TBC1D4: variants seen among roughly 807,000 people sequenced by gnomAD.
The protein encoded by TBC1D4 is TBC (Tre-2, BUB2, CDC16) domain-containing protein.
A neutral mutation model predicts 142.5 loss-of-function variants in TBC1D4; 121 were observed. That is an observed-to-expected ratio of 0.85 (90% CI 0.73 to 0.99). The LOEUF (loss-of-function observed/expected upper bound fraction) is 0.99. Ranked by LOEUF, TBC1D4 falls within the 50% of genes least tolerant of loss-of-function variation. The probability of loss-of-function intolerance (pLI) is 0.00; values close to 1 mark genes in which losing one functional copy is unlikely to be tolerated. For synonymous variants in TBC1D4, 630 were observed against 628.2 expected, an observed-to-expected ratio of 1.00 and a Z score of -0.04; for missense variants, 1,475 against 1,606.6, an observed-to-expected ratio of 0.92 and a Z score of 1.40.
intron 1 of TBC1D4, among the ~76,000 whole-genome samples, chr13:75,388,320 G>A (rs1228480175): frequency 6.6e-6 from 1 of 152,098 alleles, no homozygotes. Flanking sequence ...TATTTAAGGG[G>A]CCATAGTTCT....
chr13:75,362,614 G>GA lies in TBC1D4; in HGVS notation c.499-8dup. On this transcript the variant is annotated splice_region_variant and splice_polypyrimidine_tract_variant and intron_variant, in intron 1 of 20. Coordinates refer to ENST00000377636, the MANE Select transcript of TBC1D4 (RefSeq NM_014832.5). The surrounding 1 kb of genome is among the most constrained non-coding windows in gnomAD (Gnocchi z 4.2). The stretch of plus-strand genomic sequence containing the variant: ...TGCTAATAACATCAGGAACCTGGGG[G>GA]AAAAAATTAAAACCCTGATTCTAGT... 6.2e-7 allele frequency: 1 copy of GA among 1,613,340 alleles called. No homozygotes were observed.
chr13:75,374,873 C>T (rs1487192364), intron 1 of TBC1D4, among the ~76,000 whole-genome samples: 1 of 152,110 alleles, frequency 6.6e-6, no homozygotes, highest in East Asian at 1.9e-4. Flanking sequence ...TTTGTCAAAA[C>T]AGCACCCACT....
chr13:75,296,241 T>A (rs1004263007), intron 17 of TBC1D4, among the ~76,000 whole-genome samples: 1 of 151,778 alleles, frequency 6.6e-6, no homozygotes, highest in Non-Finnish European at 1.5e-5. Flanking sequence ...CAAAAAATCA[T>A]GTTGAAAAAA....
chr13:75,420,475 C>T (rs745544847), intron 1 of TBC1D4, among the ~76,000 whole-genome samples: 3 of 152,188 alleles, frequency 2.0e-5, no homozygotes, highest in Non-Finnish European at 2.9e-5. Flanking sequence ...AACAAATCTA[C>T]GTGTATAAAC....
intron 1 of TBC1D4, among the ~76,000 whole-genome samples, chr13:75,452,860 G>A (rs535386412): frequency 2.6e-5 from 4 of 152,140 alleles, no homozygotes; most frequent in African/African-American, 7.2e-5. Context: ...TAAAGTGTCT[G>A]TTTCCAGCTT....
At position 75,292,054 on chromosome 13, in the gene TBC1D4, T is replaced by C. The variant is rs182315021; in HGVS notation, c.3486+48A>G. On this transcript the variant is annotated intron_variant, in intron 19 of 20. Transcript: ENST00000377636. ...TTTAGGCTAAAGCATTTAATATATA[T>C]TCAGTAGAGAAAACTGCTATATAAT... The C allele has an allele frequency of 3.1e-4, 463 of 1,480,332 alleles. 4 individuals carry two copies. The East Asian group carries it at 7.1e-3, about 23-fold the overall frequency. 91.7% of individuals were successfully genotyped at this position (1,480,332 alleles called of 1,614,324 possible).
chr13:75,366,183 T>C (rs9318338), intron 1 of TBC1D4, among the ~76,000 whole-genome samples: 28,666 of 152,180 alleles, frequency 0.19, 3,225 homozygotes, highest in East Asian at 0.34. Flanking sequence ...TTCTACTCAG[T>C]GGCAGCATTT....
At chr13:75,410,939 A>C (rs1885628139) in intron 1 of TBC1D4, among the ~76,000 whole-genome samples, 1 of 17,748 alleles carries the variant, frequency 5.6e-5, no homozygotes, top group Non-Finnish European at 4.3e-4. Context: ...CCGTCTCAAA[A>C]AAAAAAAAAA....
At chr13:75,417,365 G>A (rs1335982800) in intron 1 of TBC1D4, among the ~76,000 whole-genome samples, 1 of 152,174 alleles carries the variant, frequency 6.6e-6, no homozygotes, top group Non-Finnish European at 1.5e-5. Context: ...CCGGGTAAGT[G>A]CTACCTGGGA....
Position 75,481,678 on chromosome 13 carries a change from C to G in TBC1D4, c.90G>C (p.Lys30Asn), listed in dbSNP as rs777268414. 10 of 1,600,944 alleles carry G rather than the reference C, an allele frequency of 6.2e-6. No individual in the cohort carries two copies. The highest frequency in any genetic ancestry group is 1.7e-4 in the Middle Eastern group (1 of 6,026). The change falls in exon 1 of 21, where the codon AAG becomes AAC. Residue 30 changes from lysine to asparagine, a missense_variant. By Grantham distance (94) the Lys-to-Asn change is moderately conservative. This residue lies in a region of TBC1D4 where 1,227 missense variants were observed against 1,267.7 expected (regional missense o/e 0.97). Coordinates refer to ENST00000377636, the MANE Select transcript of TBC1D4 (RefSeq NM_014832.5). Reference sequence around the variant, plus strand: ...ACAGCCGGAACCGCTTATCGCTTGGCTTCCCGGGGCCGGGCTGAGCTGAGA... The same window carrying G: ...ACAGCCGGAACCGCTTATCGCTTGGGTTCCCGGGGCCGGGCTGAGCTGAGA... ...PGVSAQPGPGKPSDKRFRLWY... is the reference protein window; with the variant it reads ...PGVSAQPGPGNPSDKRFRLWY...
chr13:75,362,455 G>A lies in TBC1D4; in HGVS notation c.651C>T (p.Ala217=), dbSNP rs1882613684. The A allele has an allele frequency of 2.5e-6, 4 of 1,614,216 alleles. No individual in the cohort carries two copies. Among genetic ancestry groups the A allele is most frequent in the Non-Finnish European group, 3.4e-6 (4 of 1,180,040 alleles). The change falls in exon 2 of 21, where the codon GCC becomes GCT. Residue 217 remains alanine, a synonymous_variant. Transcript: ENST00000377636. This position sits in a 1 kb window ranked among gnomAD's most constrained non-coding sequence, Gnocchi z 4.2. ...TGCAGTCATCGATGAGGCTTGAGGGGGCCTTCTTGTGGGTCACGGTCACCT... is the reference window on the plus strand; with the variant it reads ...TGCAGTCATCGATGAGGCTTGAGGGAGCCTTCTTGTGGGTCACGGTCACCT... ...CGKVTVTHKK[A]PSSLIDDCME... is the part of the protein sequence containing the mutation.
At chr13:75,390,129 A>G (rs1884386720) in intron 1 of TBC1D4, among the ~76,000 whole-genome samples, 1 of 151,968 alleles carries the variant, frequency 6.6e-6, no homozygotes, top group Non-Finnish European at 1.5e-5. Context: ...TACAAAAAAA[A>G]ATTAGCTGGG....
At chr13:75,372,175 C>A (rs576484274) in intron 1 of TBC1D4, among the ~76,000 whole-genome samples, 1 of 152,286 alleles carries the variant, frequency 6.6e-6, no homozygotes, top group East Asian at 1.9e-4. Context: ...CATCCCTCTA[C>A]CCAACTGCAA....
chr13:75,325,160 AAT>A (rs1250669128), intron 10 of TBC1D4, among the ~76,000 whole-genome samples: 1 of 152,174 alleles, frequency 6.6e-6, no homozygotes, highest in Non-Finnish European at 1.5e-5. Context: ...GCCTTGAGTA[AAT>A]ATATATGAAG....
chr13:75,407,599 T>G (rs2138379258), intron 1 of TBC1D4, among the ~76,000 whole-genome samples: 1 of 152,278 alleles, frequency 6.6e-6, no homozygotes, highest in South Asian at 2.1e-4. Context: ...TCTCGGCATC[T>G]CTGAGGAAGG....
At chr13:75,393,941 C>A (rs919383764) in intron 1 of TBC1D4, among the ~76,000 whole-genome samples, 145 of 115,880 alleles carry the variant, frequency 1.3e-3, no homozygotes, top group African/African-American at 3.3e-3. Context: ...AAAAAAAAAA[C>A]AAAAAAACAA....
chr13:75,306,479 A>T lies in TBC1D4; in HGVS notation c.2594-8T>A, dbSNP rs1877199467. 2.5e-6 allele frequency: 4 copies of T among 1,612,610 alleles called. No homozygotes were observed. The highest frequency in any genetic ancestry group is 3.4e-6 in the Non-Finnish European group (4 of 1,179,780). ...GGAGTTCATCTCTGCTTGCTAAGGA[A>T]AAAAACAATTTACGTAAGACCAATG... On this transcript the variant is annotated splice_polypyrimidine_tract_variant and splice_region_variant and intron_variant, in intron 14 of 20. Coordinates refer to ENST00000377636, the MANE Select transcript of TBC1D4 (RefSeq NM_014832.5).
Position 75,285,745 on chromosome 13 carries a change from G to GA in TBC1D4, c.*1046dup, listed in dbSNP as rs2137809235. Reference sequence around the variant, plus strand: ...ATTAGATTCTGTCAATTGGTCAAAAGAAAAAATGTATTTCAACACAGCTTG... The same window carrying GA: ...ATTAGATTCTGTCAATTGGTCAAAAGAAAAAAATGTATTTCAACACAGCTTG... On this transcript the variant is annotated 3_prime_UTR_variant, in exon 21 of 21. Transcript: ENST00000377636. 1 of 152,632 alleles carries GA rather than the reference G, an allele frequency of 6.6e-6. No homozygotes were observed. The highest frequency in any genetic ancestry group is 2.4e-5 in the African/African-American group (1 of 41,566). The allele number at this position is 152,632 out of a possible 1,614,324, so 9.5% of individuals were successfully genotyped here. A position where few individuals can be genotyped will look rare whatever the true frequency, so the allele number is the denominator to read the frequency against.
chr13:75,395,732 G>T (rs2031510), intron 1 of TBC1D4, among the ~76,000 whole-genome samples: 8 of 152,022 alleles, frequency 5.3e-5, no homozygotes, highest in African/African-American at 1.7e-4. Flanking sequence ...TAGGAGGCTG[G>T]GGCAGGAGAA....
Sources: allele counts gnomAD v4.1 joint callset (sites outside exome capture counted in the v4.1 genomes callset), GRCh38; gene constraint gnomAD v4.1.1; regional missense constraint gnomAD v4.1.1; non-coding constraint Gnocchi (gnomAD v3.1); transcripts MANE v1.5; gene names NCBI Gene and HGNC (gene_info 2026-07-23, HGNC 2026-07-21).